COL4A5: variants seen among roughly 807,000 people sequenced by gnomAD.
The protein encoded by COL4A5 is collagen alpha-5(IV) chain.
A neutral mutation model predicts 130.2 loss-of-function variants in COL4A5; 26 were observed. The ratio of observed to expected loss-of-function variants is 0.20; its 90% confidence interval spans 0.15 to 0.28. The LOEUF (loss-of-function observed/expected upper bound fraction) is 0.28. Among genes scored for constraint, COL4A5 ranks in the 10% least tolerant of loss-of-function variants. COL4A5 has a pLI of 1.00. For missense variants in COL4A5, 1,131 were observed against 1,344.3 expected (o/e 0.84, Z 2.48); for synonymous variants, 496 against 439.6 (o/e 1.13, Z -1.60).
At chrX:108,490,057 C>T (rs1050127361) in intron 1 of COL4A5, among the ~76,000 whole-genome samples, 6 of 111,547 alleles carry the variant, frequency 5.4e-5, no homozygotes, top group Non-Finnish European at 1.1e-4. Flanking sequence ...TCTTGCAGAA[C>T]AGTTGCCTAC....
chrX:108,611,743 A>G (rs761289217), intron 29 of COL4A5, among the ~76,000 whole-genome samples: 1 of 110,704 alleles, frequency 9.0e-6, no homozygotes, highest in African/African-American at 3.3e-5. Flanking sequence ...AGTAACACCA[A>G]TTCTACACAA....
chrX:108,626,800 A>T, intron 36 of COL4A5: 1 of 784,845 alleles, frequency 1.3e-6, no homozygotes, highest in South Asian at 5.7e-5. Flanking sequence ...AATTCCCTCT[A>T]CTTCTCTCTT....
intron 1 of COL4A5, among the ~76,000 whole-genome samples, chrX:108,460,553 G>C (rs963620480): frequency 2.8e-5 from 3 of 108,603 alleles, no homozygotes; most frequent in Non-Finnish European, 3.8e-5. Context: ...GAAATGGTGC[G>C]GTCTTGGCAC....
At chrX:108,471,290 T>C (rs2064767230) in intron 1 of COL4A5, among the ~76,000 whole-genome samples, 1 of 112,365 alleles carries the variant, frequency 8.9e-6, no homozygotes, top group Non-Finnish European at 1.9e-5. Context: ...CTGGAATGTT[T>C]TTCCATTTGT....
At chrX:108,531,820 C>T in intron 1 of COL4A5, among the ~76,000 whole-genome samples, 1 of 111,816 alleles carries the variant, frequency 8.9e-6, no homozygotes, top group Non-Finnish European at 1.9e-5. Context: ...TATACACTGA[C>T]ACACTGGAAA....
chrX:108,465,294 A>G (rs1727662205), intron 1 of COL4A5, among the ~76,000 whole-genome samples: 1 of 112,362 alleles, frequency 8.9e-6, no homozygotes, highest in African/African-American at 3.2e-5. Flanking sequence ...AATTATAGCT[A>G]TCCTGGTGGG....
chrX:108,612,585 T>C (rs2066855941), intron 29 of COL4A5, among the ~76,000 whole-genome samples: 1 of 111,704 alleles, frequency 9.0e-6, no homozygotes, highest in Non-Finnish European at 1.9e-5. Context: ...TAGGTATGCA[T>C]AGGTCCAACA....
Position 108,622,716 on chromosome X carries a change from T to C in COL4A5, c.2808T>C (p.Pro936=). The change falls in exon 33 of 53, where the codon CCT becomes CCC. Residue 936 remains proline, a synonymous_variant. Coordinates refer to ENST00000328300, the MANE Select transcript of COL4A5 (RefSeq NM_033380.3). Reference sequence around the variant, plus strand: ...AGGGTCAGCCAGGACTTCCTGGCCCTACAGGAGAAAAAGGTAGTAAAGGAG... The same window carrying C: ...AGGGTCAGCCAGGACTTCCTGGCCCCACAGGAGAAAAAGGTAGTAAAGGAG... ...GLQGQPGLPG[P]TGEKGSKGEP... is the part of the protein sequence containing the mutation. 1 of 1,211,130 alleles carries C rather than the reference T, an allele frequency of 8.3e-7. No individual in the cohort carries two copies. The highest frequency in any genetic ancestry group is 1.1e-6 in the Non-Finnish European group (1 of 895,004).
At chrX:108,589,459 T>G (rs894534119) in intron 19 of COL4A5, among the ~76,000 whole-genome samples, 3 of 110,427 alleles carry the variant, frequency 2.7e-5, no homozygotes, top group African/African-American at 9.8e-5. Flanking sequence ...CCAACAAATT[T>G]GAAAGGACTA....
intron 1 of COL4A5, among the ~76,000 whole-genome samples, chrX:108,451,920 A>C (rs748610631): frequency 9.0e-6 from 1 of 111,320 alleles, no homozygotes; most frequent in South Asian, 3.8e-4. Context: ...AGTCCTTGCC[A>C]ATGCCTAGGT....
chrX:108,552,584 G>A (rs766385787), intron 2 of COL4A5, among the ~76,000 whole-genome samples: 2 of 111,955 alleles, frequency 1.8e-5, no homozygotes, highest in East Asian at 5.6e-4. Flanking sequence ...AGACAAAAAT[G>A]TGCAAGTCTC....
rs937743514 is a variant in COL4A5 at position 108,676,817 on chromosome X, A to C, written c.3809-683A>C. On this transcript the variant is annotated intron_variant, in intron 43 of 52. Coordinates refer to ENST00000328300, the MANE Select transcript of COL4A5 (RefSeq NM_033380.3). Reference sequence around the variant, plus strand: ...CTTAATCACAATGAGACATGGCTTGAATTTCTGATTGCCCTACAGCAGTGA... The same window carrying C: ...CTTAATCACAATGAGACATGGCTTGCATTTCTGATTGCCCTACAGCAGTGA... The C allele has an allele frequency of 4.5e-5, 5 of 112,136 alleles. No homozygotes were observed. The East Asian group carries it at 1.4e-3, about 31-fold the overall frequency. The allele number at this position is 112,136 out of a possible 1,213,427, so 9.2% of individuals were successfully genotyped here.
At chrX:108,487,885 G>T (rs1427139097) in intron 1 of COL4A5, among the ~76,000 whole-genome samples, 1 of 112,187 alleles carries the variant, frequency 8.9e-6, no homozygotes, top group Non-Finnish European at 1.9e-5. Context: ...AAATAAAATG[G>T]TACCTTTCGT....
chrX:108,574,970 G>A (rs1412288285), intron 9 of COL4A5, among the ~76,000 whole-genome samples: 2 of 110,646 alleles, frequency 1.8e-5, no homozygotes, highest in Non-Finnish European at 3.8e-5. Context: ...GAAAATTTTC[G>A]TGGAGACAAG....
chrX:108,586,543 C>T lies in COL4A5; in HGVS notation c.1033-72C>T, dbSNP rs2272944. On this transcript the variant is annotated intron_variant, in intron 18 of 52. Coordinates refer to ENST00000328300, the MANE Select transcript of COL4A5 (RefSeq NM_033380.3). Reference sequence around the variant, plus strand: ...ATGACATTGTAATCATATGTAGCTCCCATAATGTTTTCAGGAGAACAAGGC... The same window carrying T: ...ATGACATTGTAATCATATGTAGCTCTCATAATGTTTTCAGGAGAACAAGGC... 0.25 allele frequency: 250,876 copies of T among 993,936 alleles called. 26,524 individuals are homozygous for T. The highest frequency in any genetic ancestry group is 0.63 in the East Asian group (20,566 of 32,479). The allele number at this position is 993,936 out of a possible 1,213,427, so 81.9% of individuals were successfully genotyped here. A position where few individuals can be genotyped will look rare whatever the true frequency, so the allele number is the denominator to read the frequency against.
intron 1 of COL4A5, among the ~76,000 whole-genome samples, chrX:108,447,712 C>T (rs1166783117): frequency 9.0e-6 from 1 of 111,648 alleles, no homozygotes; most frequent in Non-Finnish European, 1.9e-5. Flanking sequence ...CAATTGATTG[C>T]CAGTTGGTTG....
intron 2 of COL4A5, among the ~76,000 whole-genome samples, chrX:108,557,564 AT>A (rs1181630378): frequency 7.2e-5 from 8 of 111,798 alleles, no homozygotes; most frequent in Non-Finnish European, 1.5e-4. Context: ...AAGTACTTAT[AT>A]TTATTATAGG....
Position 108,571,865 on chromosome X carries a change from G to A in COL4A5, c.465+28G>A, listed in dbSNP as rs1603279937. On this transcript the variant is annotated intron_variant, in intron 8 of 52. Coordinates refer to ENST00000328300, the MANE Select transcript of COL4A5 (RefSeq NM_033380.3). ...AAGCATCTCATTCTGGGGAACAAAT[G>A]TTTTGAATAAAATATTAGGAAAGCT... The A allele has an allele frequency of 1.5e-5, 17 of 1,124,518 alleles. No individual in the cohort carries two copies. In the East Asian group the frequency reaches 4.8e-4, roughly 32 times the overall value. The allele number at this position is 1,124,518 out of a possible 1,213,427, so 92.7% of individuals were successfully genotyped here.
intron 41 of COL4A5, 72 bp downstream of exon 41, chrX:108,668,576 A>C (rs766396897): frequency 3.2e-5 from 28 of 883,493 alleles, no homozygotes; most frequent in Non-Finnish European, 4.1e-5. Context: ...CAGGTTATTC[A>C]GTCTTTAAGA....
Sources: allele counts gnomAD v4.1 joint callset (sites outside exome capture counted in the v4.1 genomes callset), GRCh38; gene constraint gnomAD v4.1.1; transcripts MANE v1.5; gene names NCBI Gene and HGNC (gene_info 2026-07-23, HGNC 2026-07-21).